CKAP5: variants seen among roughly 807,000 people sequenced by gnomAD.
CKAP5 encodes cytoskeleton associated protein 5, also known as cytoskeleton-associated protein 5.
Under a neutral mutation model 232.8 loss-of-function variants are expected in CKAP5, and 27 were observed. The observed-to-expected ratio is 0.12, with a 90% CI of 0.09 to 0.16. CKAP5 has a LOEUF of 0.16. CKAP5 is among the 10% of genes least tolerant of loss of function. The pLI is 1.00. For missense variants in CKAP5, 1,838 were observed against 2,424.7 expected, an observed-to-expected ratio of 0.76 and a Z score of 5.08; for synonymous variants, 785 against 841.1, an observed-to-expected ratio of 0.93 and a Z score of 1.16.
At chr11:46,769,027 C>G (rs2065226787) in intron 26 of CKAP5, among the ~76,000 whole-genome samples, 1 of 152,140 alleles carries the variant, frequency 6.6e-6, no homozygotes, top group Non-Finnish European at 1.5e-5. Flanking sequence ...TCAAGCAATT[C>G]TCCTGCCTCA....
In CKAP5 at chr11:46,760,582, G is replaced by C. The variant is rs1246680536; in HGVS notation, c.4394+30C>G. The stretch of plus-strand genomic sequence containing the variant: ...CACACAAGGCAAAGGCCATGGAGAT[G>C]CTCTCAGACAAGTATCTCTATCTAC... On this transcript the variant is annotated intron_variant, in intron 33 of 43. Transcript: ENST00000529230. 3 of 1,607,052 alleles carry C rather than the reference G, an allele frequency of 1.9e-6. No homozygotes were observed. The East Asian group carries it at 6.7e-5, about 36-fold the overall frequency.
intron 16 of CKAP5, 97 bp from the exon 17 acceptor site, chr11:46,784,770 G>T: frequency 1.2e-6 from 1 of 821,414 alleles, no homozygotes; most frequent in Non-Finnish European, 1.9e-6. Context: ...CATGGTTAGG[G>T]ACAGCTGGAA....
rs754246546 is a variant in CKAP5 at position 46,778,601 on chromosome 11, T to C, written c.2434-2A>G. The C allele has an allele frequency of 6.2e-7, 1 of 1,613,100 alleles. No individual in the cohort carries two copies. Among genetic ancestry groups the C allele is most frequent in the Admixed American group, 1.7e-5 (1 of 59,938 alleles). On this transcript the variant is annotated splice_acceptor_variant, in intron 20 of 43. Coordinates refer to ENST00000529230, the MANE Select transcript of CKAP5 (RefSeq NM_001008938.4). LOFTEE classifies it high-confidence loss of function. ...AGCAGGTGGACTTTGTCCCTGCATC[T>C]ATACACAAATGAATGAGTAAGGCTA...
intron 8 of CKAP5, chr11:46,802,383 T>A (rs1939049130): frequency 6.6e-6 from 1 of 152,170 alleles, no homozygotes; most frequent in Non-Finnish European, 1.5e-5. Context: ...AAAAAGCTGC[T>A]TTATTATATA....
At chr11:46,781,834 A>G (rs1181736240) in intron 18 of CKAP5, among the ~76,000 whole-genome samples, 1 of 152,092 alleles carries the variant, frequency 6.6e-6, no homozygotes, top group Admixed American at 6.6e-5. Flanking sequence ...AAATAGATAT[A>G]TATTTTTTGA....
chr11:46,812,110 T>A (rs1056245562), intron 4 of CKAP5, among the ~76,000 whole-genome samples: 30 of 152,128 alleles, frequency 2.0e-4, no homozygotes, highest in Non-Finnish European at 2.8e-4. Flanking sequence ...GGCAGGTAGA[T>A]CACCTGGGGT....
At chr11:46,768,289 A>G (rs2065220805) in intron 26 of CKAP5, among the ~76,000 whole-genome samples, 1 of 151,988 alleles carries the variant, frequency 6.6e-6, no homozygotes, top group Non-Finnish European at 1.5e-5. Flanking sequence ...CTCCCTGGCT[A>G]AAACAGTCCT....
intron 23 of CKAP5, among the ~76,000 whole-genome samples, chr11:46,776,634 G>T (rs748009062): frequency 6.6e-6 from 1 of 152,130 alleles, no homozygotes; most frequent in Non-Finnish European, 1.5e-5. Context: ...TGAGTGATCT[G>T]GGCATAAAAT....
chr11:46,807,522 C>T (rs1054526931), intron 8 of CKAP5, among the ~76,000 whole-genome samples: 6 of 152,228 alleles, frequency 3.9e-5, no homozygotes, highest in Non-Finnish European at 8.8e-5. Flanking sequence ...AAAGTTACTA[C>T]ATACAAAATG....
intron 24 of CKAP5, among the ~76,000 whole-genome samples, chr11:46,771,917 T>A (rs2065250524): frequency 6.6e-6 from 1 of 152,220 alleles, no homozygotes; most frequent in African/African-American, 2.4e-5. Flanking sequence ...CTGTTTAGGT[T>A]TCTCCAGCAT....
chr11:46,796,664 A>G, intron 12 of CKAP5, 148 bp downstream of exon 12: 1 of 820,336 alleles, frequency 1.2e-6, no homozygotes, highest in East Asian at 2.9e-5. Context: ...TCAATTATGC[A>G]TTTCTTTCCT....
chr11:46,754,934 T>C lies in CKAP5; in HGVS notation c.4823A>G (p.Asp1608Gly). Residue 1608 changes from aspartate (D) to glycine (G), a missense_variant, in exon 36 of 44, where the codon GAC becomes GGC. By Grantham distance (94) the Asp-to-Gly change is moderately conservative. Around this residue, in one of 6 missense-constraint regions of CKAP5, gnomAD observed 579 missense variants for 843.2 expected, o/e 0.69. Transcript: ENST00000529230. ...ACAGCTATACAACTTGATGATCTCG[T>C]CCTTCTCCAATTTCTCATCTGCCAT... ...THMADEKLEK[D>G]EIIKLYSCII... The C allele has an allele frequency of 6.2e-7, 1 of 1,613,978 alleles. No individual in the cohort carries two copies. The highest frequency in any genetic ancestry group is 8.5e-7 in the Non-Finnish European group (1 of 1,179,924).
chr11:46,845,116 A>G (rs999237842), intron 1 of CKAP5, among the ~76,000 whole-genome samples: 16 of 152,234 alleles, frequency 1.1e-4, no homozygotes, highest in African/African-American at 3.9e-4. Flanking sequence ...ACAATTTCTT[A>G]AAGTTTCAAA....
chr11:46,815,146 G>A (rs1163552840), intron 4 of CKAP5, among the ~76,000 whole-genome samples: 1 of 152,018 alleles, frequency 6.6e-6, no homozygotes, highest in Non-Finnish European at 1.5e-5. Context: ...TGCCTTCCAG[G>A]TTCAAGCAAT....
chr11:46,818,111 T>G (rs1485721746), intron 3 of CKAP5, among the ~76,000 whole-genome samples, 199 bp downstream of exon 3: 1 of 152,200 alleles, frequency 6.6e-6, no homozygotes, highest in East Asian at 1.9e-4. Flanking sequence ...ATTTCTAATT[T>G]ACTCCTCTAC....
rs1490493728 is a variant in CKAP5, at chr11:46,796,834, A to G, written c.1445T>C (p.Val482Ala). 1 of 1,614,058 alleles carries G rather than the reference A, an allele frequency of 6.2e-7. No homozygotes were observed. The highest frequency in any genetic ancestry group is 1.7e-5 in the Admixed American group (1 of 60,024). The stretch of plus-strand genomic sequence containing the variant: ...TACCTTATCAAGCTTGAGTTTGTCC[A>G]CATCAGCTAGGAATGGGTTTACTGC... ...EKAVNPFLADVDKLKLDKIKE... is the reference protein window; with the variant it reads ...EKAVNPFLADADKLKLDKIKE... Residue 482 changes from valine (V) to alanine (A), a missense_variant, in exon 12 of 44, where the codon GTG (valine) becomes GCG (alanine). Around this residue, in one of 6 missense-constraint regions of CKAP5, gnomAD observed 767 missense variants for 954.6 expected, o/e 0.80. Coordinates refer to ENST00000529230, the MANE Select transcript of CKAP5 (RefSeq NM_001008938.4).
chr11:46,842,854 C>CTACTTGGGA (rs1164863710), intron 1 of CKAP5, among the ~76,000 whole-genome samples: 4 of 150,026 alleles, frequency 2.7e-5, no homozygotes, highest in Non-Finnish European at 5.9e-5. Flanking sequence ...GTAGTCCCAG[C>CTACTTGGGA]TACTTGGGAG....
In CKAP5 at chr11:46,769,956, G is replaced by C. The variant is rs1435964459; in HGVS notation, c.3322+7C>G. The C allele has an allele frequency of 6.2e-7, 1 of 1,614,012 alleles. No individual in the cohort carries two copies. The highest frequency in any genetic ancestry group is 1.1e-5 in the South Asian group (1 of 91,078). The stretch of plus-strand genomic sequence containing the variant: ...CTTCCCCTTTAACCTTCTTAAGATA[G>C]AGTTACCTGATGCAGGCTGGAATTT... On this transcript the variant is annotated splice_region_variant and intron_variant, in intron 26 of 43. Transcript: ENST00000529230.
At chr11:46,756,351 AAT>A (rs1261244139) in intron 35 of CKAP5, among the ~76,000 whole-genome samples, 1 of 152,198 alleles carries the variant, frequency 6.6e-6, no homozygotes, top group Non-Finnish European at 1.5e-5. Flanking sequence ...CAGCCAGAGT[AAT>A]TTCTTCCACA....
Sources: gnomAD v4.1 joint callset for allele counts (sites outside exome capture counted in the v4.1 genomes callset) on GRCh38, gnomAD v4.1.1 for gene constraint, gnomAD v4.1.1 regional missense constraint, MANE v1.5 for transcripts, NCBI Gene and HGNC (gene_info 2026-07-23, HGNC 2026-07-21) for gene names.